The following NXPE1 variants were observed in gnomAD, a reference collection of about 807,000 sequenced individuals.
NXPE1 encodes the protein NXPE family member 1.
In NXPE1, 31 loss-of-function variants were observed where a neutral mutation model predicts 33.3. The observed-to-expected ratio is 0.93, with a 90% CI of 0.70 to 1.26. The LOEUF is 1.26. Ranked by LOEUF, NXPE1 falls within the 50% of genes most tolerant of loss-of-function variation. NXPE1 has a pLI of 0.00. For synonymous variants in NXPE1, 229 were observed against 231.4 expected, an observed-to-expected ratio of 0.99 and a Z score of 0.09; for missense variants, 661 against 655.6, an observed-to-expected ratio of 1.01 and a Z score of -0.09.
At chr11:114,545,484 G>T (rs775578376) in intron 5 of NXPE1, among the ~76,000 whole-genome samples, 3 of 152,158 alleles carry the variant, frequency 2.0e-5, no homozygotes, top group Non-Finnish European at 4.4e-5. Flanking sequence ...TGCACTGTAT[G>T]ACTGCATTAC....
chr11:114,521,495 T>A (rs1947210063), downstream of NXPE1: 1 of 153,914 alleles, frequency 6.5e-6, no homozygotes, highest in Non-Finnish European at 1.4e-5. Context: ...ATACATATTT[T>A]CTGTTCCAGT....
At position 114,522,883 on chromosome 11, in the gene NXPE1, T is replaced by TA. The variant is rs766833334; in HGVS notation, c.1103dup (p.Thr370AsnfsTer6). On this transcript the variant is annotated frameshift_variant, in exon 8 of 9. Coordinates refer to ENST00000534921, the Ensembl canonical transcript of NXPE1. LOFTEE classifies it low-confidence loss of function (END_TRUNC). ...GAATATAAAGTAACTACCTACTTTT[T>TA]ACAACTTTGGGGAAGTAGTAGATCC... 6.2e-7 allele frequency: 1 copy of TA among 1,610,144 alleles called. No individual in the cohort carries two copies. The highest frequency in any genetic ancestry group is 1.1e-5 in the South Asian group (1 of 90,928).
chr11:114,536,736 A>C (rs138298109), intron 5 of NXPE1, among the ~76,000 whole-genome samples: 2,334 of 152,362 alleles, frequency 0.015, 27 homozygotes, highest in Non-Finnish European at 0.025. Flanking sequence ...AACCAGGAAG[A>C]AGTTAAATCT....
intron 5 of NXPE1, among the ~76,000 whole-genome samples, chr11:114,547,274 A>G (rs1948314028): frequency 6.6e-6 from 1 of 152,228 alleles, no homozygotes. Context: ...GTGGAAGACC[A>G]CTTAGCTCTG....
chr11:114,553,531 T>C (rs1195784503), intron 1 of NXPE1, among the ~76,000 whole-genome samples: 1 of 152,238 alleles, frequency 6.6e-6, no homozygotes, highest in Non-Finnish European at 1.5e-5. Flanking sequence ...GGAAATTTAT[T>C]AACCCCATCC....
chr11:114,522,301 G>A, exon 9 of NXPE1: 2 of 1,614,068 alleles, frequency 1.2e-6, no homozygotes, highest in South Asian at 1.1e-5. Context: ...GCTGGCCAAA[G>A]GTGATGACGA....
intron 5 of NXPE1, among the ~76,000 whole-genome samples, chr11:114,547,396 T>C (rs1296995007): frequency 1.3e-5 from 2 of 152,146 alleles, no homozygotes; most frequent in African/African-American, 2.4e-5. Flanking sequence ...CTTAAAACTG[T>C]CAATGTCATC....
intron 5 of NXPE1, among the ~76,000 whole-genome samples, chr11:114,542,525 C>A (rs1009618781): frequency 1.8e-4 from 28 of 152,074 alleles, no homozygotes; most frequent in African/African-American, 6.5e-4. Context: ...TGGTTGTGTG[C>A]TCTGACAATG....
chr11:114,523,292 T>C (rs1294980510), intron 7 of NXPE1, among the ~76,000 whole-genome samples: 1 of 152,180 alleles, frequency 6.6e-6, no homozygotes, highest in African/African-American at 2.4e-5. Context: ...TTTTGAGTCA[T>C]CTTGCCTTCT....
intron 5 of NXPE1, among the ~76,000 whole-genome samples, chr11:114,539,646 A>C (rs1948007367): frequency 1.3e-5 from 2 of 152,202 alleles, no homozygotes; most frequent in East Asian, 3.8e-4. Context: ...GGGAGATGGA[A>C]TCTGATTAAC....
chr11:114,558,458 T>C (rs1192257230), intron 1 of NXPE1, among the ~76,000 whole-genome samples: 4 of 152,178 alleles, frequency 2.6e-5, no homozygotes, highest in African/African-American at 9.7e-5. Context: ...ATTTGTGATA[T>C]TTGCTTTTCT....
At chr11:114,522,942 T>C in exon 8 of NXPE1, 1 of 1,613,074 alleles carries the variant, frequency 6.2e-7, no homozygotes, top group Non-Finnish European at 8.5e-7. Context: ...AGGAGGTAAA[T>C]GAGTTTGCCT....
chr11:114,554,964 C>T (rs926242064), intron 1 of NXPE1, among the ~76,000 whole-genome samples: 1 of 152,046 alleles, frequency 6.6e-6, no homozygotes, highest in African/African-American at 2.4e-5. Flanking sequence ...TCAAGGTGCA[C>T]ACCCTAACTA....
At chr11:114,543,659 C>T (rs1164145828) in intron 5 of NXPE1, among the ~76,000 whole-genome samples, 1 of 152,074 alleles carries the variant, frequency 6.6e-6, no homozygotes, top group Non-Finnish European at 1.5e-5. Flanking sequence ...TTAAACACTT[C>T]CCCAATATTG....
chr11:114,531,307 G>A (rs1947573844), intron 5 of NXPE1, among the ~76,000 whole-genome samples: 1 of 151,972 alleles, frequency 6.6e-6, no homozygotes, highest in South Asian at 2.1e-4. Context: ...TTTCATATAT[G>A]CCTTACATCC....
chr11:114,534,539 A>C (rs1036968424), intron 5 of NXPE1, among the ~76,000 whole-genome samples: 4 of 152,224 alleles, frequency 2.6e-5, no homozygotes, highest in African/African-American at 9.6e-5. Context: ...AACTTTGAAA[A>C]AAAATTAGAT....
At chr11:114,557,309 A>G (rs1428548529) in intron 1 of NXPE1, among the ~76,000 whole-genome samples, 1 of 152,134 alleles carries the variant, frequency 6.6e-6, no homozygotes, top group Middle Eastern at 3.2e-3. Flanking sequence ...GGAAATTTCA[A>G]TATGCATCTT....
At chr11:114,536,766 G>T (rs1047783289) in intron 5 of NXPE1, among the ~76,000 whole-genome samples, 3 of 152,096 alleles carry the variant, frequency 2.0e-5, no homozygotes, top group Admixed American at 6.5e-5. Flanking sequence ...CCAATAACAG[G>T]CTCTGAAATT....
chr11:114,530,715 G>A (rs748174335), exon 6 of NXPE1: 2 of 1,614,206 alleles, frequency 1.2e-6, no homozygotes, highest in South Asian at 1.1e-5. Context: ...GCTGTGTGTG[G>A]CACTGGTGGT....
Sources: gnomAD v4.1 joint callset for allele counts (sites outside exome capture counted in the v4.1 genomes callset) on GRCh38, gnomAD v4.1.1 for gene constraint, MANE v1.5 for transcripts, NCBI Gene and HGNC (gene_info 2026-07-23, HGNC 2026-07-21) for gene names.